FILIP1: variants seen among roughly 807,000 people sequenced by gnomAD.
FILIP1 encodes the protein filamin A interacting protein 1.
Under a neutral mutation model 102.1 loss-of-function variants are expected in FILIP1, and 61 were observed. The observed-to-expected ratio is 0.60, with a 90% CI of 0.49 to 0.74. FILIP1 has a LOEUF of 0.74. Ranked by LOEUF, FILIP1 falls within the 30% of genes least tolerant of loss-of-function variation. The probability of loss-of-function intolerance (pLI) is 0.00; values close to 1 mark genes in which losing one functional copy is unlikely to be tolerated. For missense variants in FILIP1, 1,314 were observed against 1,441.2 expected, an observed-to-expected ratio of 0.91 and a Z score of 1.43; for synonymous variants, 491 against 526.9, an observed-to-expected ratio of 0.93 and a Z score of 0.93.
chr6:75,464,116 C>T (rs6903448), intron 1 of FILIP1, among the ~76,000 whole-genome samples: 31,511 of 152,066 alleles, frequency 0.21, 3,709 homozygotes, highest in African/African-American at 0.32. Context: ...AGACCCTTGA[C>T]GTCATCCTTT....
Position 75,313,826 on chromosome 6 carries a change from G to A in FILIP1, c.2006C>T (p.Thr669Ile), listed in dbSNP as rs1208812169. ...GAGGAAGTTAGCCTTATCCTGCTCA[G>A]TTCTAAATTTCTGTTCCAGCTGATC... ...EYDQLEQKFR[T>I]EQDKANFLSQ... The change falls in exon 5 of 6, where the codon ACT becomes ATT. Residue 669 changes from threonine to isoleucine, a missense_variant. Thr to Ile is a moderately conservative substitution (Grantham distance 89, BLOSUM62 -1). Transcript: ENST00000237172. The surrounding 1 kb of genome is among the most constrained non-coding windows in gnomAD (Gnocchi z 4.2). 3 of 1,613,750 alleles carry A rather than the reference G, an allele frequency of 1.9e-6. No individual in the cohort carries two copies. The highest frequency in any genetic ancestry group is 4.5e-5 in the East Asian group (2 of 44,894).
chr6:75,397,115 T>G (rs777803025), intron 2 of FILIP1, among the ~76,000 whole-genome samples: 3 of 152,026 alleles, frequency 2.0e-5, no homozygotes, highest in African/African-American at 7.2e-5. Flanking sequence ...TGTATACATA[T>G]GTAACTAACC....
In FILIP1 at chr6:75,315,046, G is replaced by A. The variant is rs370039121; in HGVS notation, c.786C>T (p.Gly262=). ...GATCCTGTACTTTCTGGCTTTGCAG[G>A]CCAAGTTGTTCAATGTGCATTTGTC... ...DERQMHIEQL[G]LQSQKVQDLT... Residue 262 remains glycine (G), a synonymous_variant, in exon 5 of 6, where the codon GGC becomes GGT. Coordinates refer to ENST00000237172, the MANE Select transcript of FILIP1 (RefSeq NM_015687.5). 3.7e-6 allele frequency: 6 copies of A among 1,613,894 alleles called. No individual in the cohort carries two copies. Among genetic ancestry groups the A allele is most frequent in the African/African-American group, 1.3e-5 (1 of 74,912 alleles).
intron 2 of FILIP1, among the ~76,000 whole-genome samples, chr6:75,366,503 T>C (rs1418098284): frequency 6.6e-6 from 1 of 152,244 alleles, no homozygotes; most frequent in Non-Finnish European, 1.5e-5. Flanking sequence ...CTAAGTTGTT[T>C]GATTTGTGCA....
chr6:75,383,665 C>T (rs1377198638), intron 2 of FILIP1, among the ~76,000 whole-genome samples: 2 of 152,114 alleles, frequency 1.3e-5, no homozygotes, highest in African/African-American at 4.8e-5. Flanking sequence ...CATTATCTCC[C>T]CCACCCAACA....
At position 75,313,197 on chromosome 6, in the gene FILIP1, C is replaced by T. The variant is rs750947467; in HGVS notation, c.2635G>A (p.Gly879Ser). 4.3e-6 allele frequency: 7 copies of T among 1,613,998 alleles called. No homozygotes were observed. Among genetic ancestry groups the T allele is most frequent in the South Asian group, 2.2e-5 (2 of 91,086 alleles). The change falls in exon 5 of 6, where the codon GGC becomes AGC. Residue 879 changes from glycine to serine, a missense_variant. Gly to Ser is a moderately conservative substitution (Grantham distance 56). Coordinates refer to ENST00000237172, the MANE Select transcript of FILIP1 (RefSeq NM_015687.5). The surrounding 1 kb of genome is among the most constrained non-coding windows in gnomAD (Gnocchi z 4.2). The part of the protein sequence containing the change: ...WIPWMRKREN[G>S]PSITQEKGPR... Reference sequence around the variant, plus strand: ...CCTTTCTCCTGAGTGATGGAGGGGCCGTTTTCCCTCTTTCTCATCCATGGA... The same window carrying T: ...CCTTTCTCCTGAGTGATGGAGGGGCTGTTTTCCCTCTTTCTCATCCATGGA...
intron 2 of FILIP1, among the ~76,000 whole-genome samples, chr6:75,408,780 A>G (rs958173820): frequency 6.6e-6 from 1 of 152,178 alleles, no homozygotes; most frequent in Admixed American, 6.5e-5. Context: ...TCCCAAAACT[A>G]TAAGCTATTT....
chr6:75,354,214 T>G (rs2149603046), intron 3 of FILIP1, among the ~76,000 whole-genome samples: 1 of 152,354 alleles, frequency 6.6e-6, no homozygotes, highest in African/African-American at 2.4e-5. Flanking sequence ...CTGTACCCAT[T>G]TACGCTCCTA....
At chr6:75,393,259 T>C (rs1056379140) in intron 2 of FILIP1, among the ~76,000 whole-genome samples, 4 of 152,158 alleles carry the variant, frequency 2.6e-5, no homozygotes, top group African/African-American at 9.7e-5. Context: ...TTAAAAGACA[T>C]AATGACATTT....
chr6:75,367,394 G>A (rs1234227464), intron 2 of FILIP1: 3 of 152,234 alleles, frequency 2.0e-5, no homozygotes, highest in African/African-American at 7.2e-5. Context: ...CCAGCACTTT[G>A]GGAGGCCGAG....
At chr6:75,302,236 C>A (rs1334742260) in intron 6 of FILIP1, among the ~76,000 whole-genome samples, 1 of 152,132 alleles carries the variant, frequency 6.6e-6, no homozygotes, top group Non-Finnish European at 1.5e-5. Flanking sequence ...ATAGAAGTAA[C>A]TTTCACCACC....
chr6:75,341,078 A>G (rs1007745417), intron 4 of FILIP1, among the ~76,000 whole-genome samples: 5 of 151,972 alleles, frequency 3.3e-5, no homozygotes, highest in African/African-American at 1.2e-4. Flanking sequence ...AGGTATTTTT[A>G]GAACTACATT....
intron 2 of FILIP1, among the ~76,000 whole-genome samples, chr6:75,374,494 C>A (rs550895497): frequency 6.6e-6 from 1 of 152,130 alleles, no homozygotes; most frequent in East Asian, 1.9e-4. Context: ...TTCTCCTGCC[C>A]CAGCCTCCTG....
chr6:75,442,756 G>A (rs1405252437), intron 1 of FILIP1, among the ~76,000 whole-genome samples: 4 of 152,116 alleles, frequency 2.6e-5, no homozygotes, highest in Non-Finnish European at 5.9e-5. Context: ...GAGAGGGAGA[G>A]GGAGAGGGGG....
intron 2 of FILIP1, among the ~76,000 whole-genome samples, chr6:75,371,887 G>A (rs1290079961): frequency 6.6e-6 from 1 of 152,220 alleles, no homozygotes; most frequent in Non-Finnish European, 1.5e-5. Context: ...AAAGTTCCAT[G>A]ATATTGGATA....
chr6:75,350,466 G>C (rs1774759672), intron 4 of FILIP1, among the ~76,000 whole-genome samples: 1 of 135,638 alleles, frequency 7.4e-6, no homozygotes, highest in Non-Finnish European at 1.6e-5. Flanking sequence ...AGAGGCTGTT[G>C]TAATTGTTTT....
At chr6:75,477,630 G>T (rs1490827609) in intron 1 of FILIP1, among the ~76,000 whole-genome samples, 1 of 151,638 alleles carries the variant, frequency 6.6e-6, no homozygotes, top group Non-Finnish European at 1.5e-5. Flanking sequence ...GAATAAAAGG[G>T]AAATAAGATA....
intron 2 of FILIP1, among the ~76,000 whole-genome samples, chr6:75,395,712 G>T (rs1439664891): frequency 6.6e-6 from 1 of 152,198 alleles, no homozygotes; most frequent in Non-Finnish European, 1.5e-5. Context: ...ATTAAAACGT[G>T]ATTCCTGAGC....
At chr6:75,336,154 GA>G (rs1233545566) in intron 4 of FILIP1, among the ~76,000 whole-genome samples, 3 of 152,166 alleles carry the variant, frequency 2.0e-5, no homozygotes, top group Non-Finnish European at 4.4e-5. Flanking sequence ...AAGAAAACAA[GA>G]AACTATTGCC....
Sources: gnomAD v4.1 joint callset for allele counts (sites outside exome capture counted in the v4.1 genomes callset) on GRCh38, gnomAD v4.1.1 for gene constraint, Gnocchi (gnomAD v3.1) non-coding constraint, MANE v1.5 for transcripts, NCBI Gene and HGNC (gene_info 2026-07-23, HGNC 2026-07-21) for gene names.